SNX29: variants seen among roughly 807,000 people sequenced by gnomAD.
SNX29 encodes sorting nexin 29.
In SNX29, 78 loss-of-function variants were observed where a neutral mutation model predicts 102.1. That is an observed-to-expected ratio of 0.76 (90% CI 0.64 to 0.92). The LOEUF is 0.92. SNX29 is among the 40% of genes least tolerant of loss of function. The probability of loss-of-function intolerance (pLI) is 0.00; values close to 1 mark genes in which losing one functional copy is unlikely to be tolerated. For missense variants in SNX29, 1,280 were observed against 1,061.7 expected (o/e 1.21, Z -2.86); for synonymous variants, 580 against 414.5 (o/e 1.40, Z -4.85).
At chr16:12,213,943 T>TTGGAGTCAGGGA (rs1286913238) in intron 14 of SNX29, among the ~76,000 whole-genome samples, 1 of 152,126 alleles carries the variant, frequency 6.6e-6, no homozygotes, top group Non-Finnish European at 1.5e-5. Flanking sequence ...GATGAGGCTG[T>TTGGAGTCAGGGA]TGGAGTCAGG....
chr16:12,115,485 TTGTGTGTGTGTGTGTGTGTGTGTG>T (rs3222983), intron 11 of SNX29, among the ~76,000 whole-genome samples: 1 of 141,858 alleles, frequency 7.0e-6, no homozygotes, highest in Non-Finnish European at 1.5e-5. Flanking sequence ...CCACCTTGAT[TTGTGTGTGTGTGTGTGTGTGTGTG>T]TGTGTGTGTG....
In SNX29 at chr16:12,542,725, A is replaced by T. The variant is rs150760226; in HGVS notation, c.2318+17884A>T. On this transcript the variant is annotated intron_variant, in intron 20 of 20. Transcript: ENST00000566228. Reference sequence around the variant, plus strand: ...TGTTGGTCCCAGTCTTTTACTCTTAAATCTTGTGCATATAAGCACTAGACT... The same window carrying T: ...TGTTGGTCCCAGTCTTTTACTCTTATATCTTGTGCATATAAGCACTAGACT... 7.7e-3 allele frequency among the ~76,000 whole-genome samples: 1,062 copies of T among 137,722 alleles called. 15 individuals are homozygous for T. The highest frequency in any genetic ancestry group is 0.027 in the African/African-American group (989 of 36,790). The allele number at this position is 137,722 out of a possible 152,430, so 90.4% of individuals were successfully genotyped here.
At chr16:12,305,924 T>A (rs1476572257) in intron 15 of SNX29, among the ~76,000 whole-genome samples, 1 of 152,146 alleles carries the variant, frequency 6.6e-6, no homozygotes, top group African/African-American at 2.4e-5. Flanking sequence ...AGCCAAAGAT[T>A]CTATTTCAAC....
At position 12,540,290 on chromosome 16, in the gene SNX29, C is replaced by T. The variant is rs146211858; in HGVS notation, c.2318+15449C>T. Among the ~76,000 whole-genome samples the T allele has an allele frequency of 1.4e-3, 214 of 152,266 alleles. 1 individual carries two copies. In the East Asian group the frequency reaches 0.04, roughly 28 times the overall value. On this transcript the variant is annotated intron_variant, in intron 20 of 20. Coordinates refer to ENST00000566228, the MANE Select transcript of SNX29 (RefSeq NM_032167.5). The stretch of plus-strand genomic sequence containing the variant: ...AGTGGAGGGAGGACAGGACTAGAGG[C>T]ATTACGGGGTGGCCCCACCCTCTTG...
intron 11 of SNX29, among the ~76,000 whole-genome samples, chr16:12,123,637 G>A (rs2054077306): frequency 6.6e-6 from 1 of 152,320 alleles, no homozygotes; most frequent in South Asian, 2.1e-4. Context: ...TCCGTCTGCA[G>A]TGTCCTGTGT....
chr16:12,502,529 C>T (rs1166475720), intron 19 of SNX29, among the ~76,000 whole-genome samples: 1 of 152,100 alleles, frequency 6.6e-6, no homozygotes, highest in Non-Finnish European at 1.5e-5. Flanking sequence ...ATCAGCTTCC[C>T]CACGGTGGCC....
intron 20 of SNX29, among the ~76,000 whole-genome samples, chr16:12,529,434 A>G (rs932117696): frequency 1.3e-5 from 2 of 152,162 alleles, no homozygotes; most frequent in Non-Finnish European, 2.9e-5. Context: ...GACTCCAAGA[A>G]TTCGCTCAGT....
chr16:12,323,478 T>G (rs1009310737), intron 15 of SNX29, among the ~76,000 whole-genome samples: 4 of 151,368 alleles, frequency 2.6e-5, no homozygotes, highest in Non-Finnish European at 5.9e-5. Flanking sequence ...AAACAGTAGG[T>G]TAGTGTCTAG....
chr16:12,203,849 G>A (rs1272207428), intron 14 of SNX29, among the ~76,000 whole-genome samples: 7 of 152,214 alleles, frequency 4.6e-5, no homozygotes, highest in African/African-American at 1.7e-4. Flanking sequence ...GTCTGTCCGT[G>A]TCACATGGCT....
At chr16:12,501,932 A>G (rs2089144651) in intron 19 of SNX29, among the ~76,000 whole-genome samples, 1 of 152,148 alleles carries the variant, frequency 6.6e-6, no homozygotes, top group Admixed American at 6.5e-5. Flanking sequence ...AGCAACAGGC[A>G]GAGTGGATAC....
At chr16:12,477,891 A>G in intron 19 of SNX29, 32 bp downstream of exon 19, 8 of 1,553,044 alleles carry the variant, frequency 5.2e-6, no homozygotes, top group Non-Finnish European at 6.9e-6. Context: ...CCCACTTGTC[A>G]CTGCCTGCGT....
chr16:12,187,322 G>A lies in SNX29; in HGVS notation c.1596-12279G>A, dbSNP rs947736466. Among the ~76,000 whole-genome samples, 9 of 152,354 alleles carry A rather than the reference G, an allele frequency of 5.9e-5. No individual in the cohort carries two copies. The East Asian group carries it at 1.2e-3, about 20-fold the overall frequency. The stretch of plus-strand genomic sequence containing the variant: ...CTCCTGGAATCCCAGCACTTTGGGA[G>A]GCCAAGGCGGGTAGATCGTGTGAGG... On this transcript the variant is annotated intron_variant, in intron 13 of 20. Transcript: ENST00000566228.
Position 12,559,393 on chromosome 16 carries a change from G to A in SNX29, c.2319-9113G>A, listed in dbSNP as rs146286218. Among the ~76,000 whole-genome samples, 588 of 151,098 alleles carry A rather than the reference G, an allele frequency of 3.9e-3. 11 individuals carry two copies. Among genetic ancestry groups the A allele is most frequent in the East Asian group, 0.037 (189 of 5,154 alleles). ...TGATGATCTCTCACCCTCTCCCATC[G>A]CCCCCTGAAGGGACCATCTAGTTGC... On this transcript the variant is annotated intron_variant, in intron 20 of 20. Coordinates refer to ENST00000566228, the MANE Select transcript of SNX29 (RefSeq NM_032167.5).
At chr16:12,540,942 GTCAGGCTGCCTGTAGT>G (rs373526531) in intron 20 of SNX29, among the ~76,000 whole-genome samples, 110 of 152,314 alleles carry the variant, frequency 7.2e-4, no homozygotes, top group African/African-American at 2.3e-3. Flanking sequence ...CACTTTTGGG[GTCAGGCTGCCTGTAGT>G]TCAGGCTGGA....
At chr16:12,501,276 C>T (rs1296533890) in intron 19 of SNX29, among the ~76,000 whole-genome samples, 1 of 151,990 alleles carries the variant, frequency 6.6e-6, no homozygotes, top group Non-Finnish European at 1.5e-5. Context: ...TGGTGGTGTG[C>T]CCCTGTACCT....
At chr16:12,412,642 C>G (rs951379303) in intron 18 of SNX29, among the ~76,000 whole-genome samples, 1 of 152,164 alleles carries the variant, frequency 6.6e-6, no homozygotes, top group African/African-American at 2.4e-5. Flanking sequence ...AAACTTAGAG[C>G]TCACCTGTGT....
intron 15 of SNX29, among the ~76,000 whole-genome samples, chr16:12,291,351 T>C (rs1311121832): frequency 2.0e-5 from 3 of 152,192 alleles, no homozygotes; most frequent in Admixed American, 6.5e-5. Flanking sequence ...AAAGAGCTTG[T>C]GCAGCCCCTT....
chr16:12,018,172 T>C (rs2056906194), intron 3 of SNX29, among the ~76,000 whole-genome samples: 1 of 152,204 alleles, frequency 6.6e-6, no homozygotes, highest in African/African-American at 2.4e-5. Flanking sequence ...TTGAGTTTAA[T>C]AAGTCTTCCC....
At chr16:12,503,229 C>CTG (rs2089210989) in intron 19 of SNX29, among the ~76,000 whole-genome samples, 1 of 152,192 alleles carries the variant, frequency 6.6e-6, no homozygotes, top group Admixed American at 6.5e-5. Context: ...TTTTCCTTCC[C>CTG]TGCGACGTTC....
Sources: gnomAD v4.1 joint callset for allele counts (sites outside exome capture counted in the v4.1 genomes callset) on GRCh38, gnomAD v4.1.1 for gene constraint, MANE v1.5 for transcripts, NCBI Gene and HGNC (gene_info 2026-07-23, HGNC 2026-07-21) for gene names.